MIA2: variants seen among roughly 807,000 people sequenced by gnomAD.
MIA2 encodes the protein melanoma inhibitory activity protein 2.
Under a neutral mutation model 167.8 loss-of-function variants are expected in MIA2, and 127 were observed. The ratio of observed to expected loss-of-function variants is 0.76; its 90% CI spans 0.66 to 0.88. The LOEUF is 0.88. Ranked by LOEUF, MIA2 falls within the 40% of genes least tolerant of loss-of-function variation. MIA2 has a pLI of 0.00. For missense variants in MIA2, 1,690 were observed against 1,624.7 expected, an observed-to-expected ratio of 1.04 and a Z score of -0.69; for synonymous variants, 552 against 541.9, an observed-to-expected ratio of 1.02 and a Z score of -0.26.
chr14:39,334,547 A>G (rs1229649160), intron 25 of MIA2, among the ~76,000 whole-genome samples: 1 of 143,134 alleles, frequency 7.0e-6, no homozygotes, highest in African/African-American at 2.6e-5. Flanking sequence ...AGTTAACGAA[A>G]TGATAATGAA....
At chr14:39,347,676 A>C in intron 26 of MIA2, 37 bp from the exon 27 acceptor site, 1 of 1,601,820 alleles carries the variant, frequency 6.2e-7, no homozygotes, top group Non-Finnish European at 8.5e-7. Flanking sequence ...TAAAGTGATA[A>C]ATCATGTACT....
chr14:39,365,449 A>G (rs1037868150), intron 23 of MIA2, among the ~76,000 whole-genome samples: 2 of 152,170 alleles, frequency 1.3e-5, no homozygotes, highest in Non-Finnish European at 2.9e-5. Context: ...GGTGCTCTGT[A>G]CATCACATAG....
At chr14:39,371,136 T>G (rs1470293476) in intron 23 of MIA2, among the ~76,000 whole-genome samples, 1 of 152,244 alleles carries the variant, frequency 6.6e-6, no homozygotes, top group Middle Eastern at 3.2e-3. Context: ...GAATATAGTT[T>G]ACTTGACTAT....
chr14:39,352,258 G>A (rs2074408758), downstream of MIA2, among the ~76,000 whole-genome samples: 1 of 149,504 alleles, frequency 6.7e-6, no homozygotes, highest in South Asian at 2.1e-4. Flanking sequence ...AACCATACTG[G>A]TTGCTCTCTT....
chr14:39,347,818 C>CT (rs59832680), intron 27 of MIA2, 47 bp downstream of exon 27: 84,579 of 692,854 alleles, frequency 0.12, 4,973 homozygotes, highest in African/African-American at 0.35. Context: ...CAGAAGCCTT[C>CT]TTTTTTTTTT....
At chr14:39,343,590 T>C (rs2072523144) in intron 25 of MIA2, among the ~76,000 whole-genome samples, 1 of 152,208 alleles carries the variant, frequency 6.6e-6, no homozygotes, top group Admixed American at 6.5e-5. Flanking sequence ...CCACTCCTTA[T>C]TCATTTTTTT....
chr14:39,363,000 T>C (rs930329106), intron 23 of MIA2, among the ~76,000 whole-genome samples: 1 of 152,246 alleles, frequency 6.6e-6, no homozygotes, highest in African/African-American at 2.4e-5. Flanking sequence ...CCAGAGTTCC[T>C]TTTTAATTTC....
chr14:39,364,793 A>G (rs866421095), intron 23 of MIA2, among the ~76,000 whole-genome samples: 2 of 151,864 alleles, frequency 1.3e-5, no homozygotes, highest in Non-Finnish European at 2.9e-5. Flanking sequence ...CTCCTGGGCT[A>G]TAAAGTTTCT....
At chr14:39,290,688 T>C (rs866024787) in intron 9 of MIA2, among the ~76,000 whole-genome samples, 1 of 152,230 alleles carries the variant, frequency 6.6e-6, no homozygotes. Flanking sequence ...CTTTGGATAA[T>C]CTTTAGTACA....
Position 39,320,962 on chromosome 14 carries a change from G to T in MIA2, c.3402G>T (p.Trp1134Cys). The change falls in exon 24 of 29, where the codon TGG becomes TGT. Residue 1134 changes from tryptophan (W) to cysteine (C), a missense_variant. Physicochemically the swap from Trp to Cys is radical, Grantham distance 215. Coordinates refer to ENST00000640607, the MANE Select transcript of MIA2 (RefSeq NM_001329214.4). ...HSPYGPSPLG[W>C]PSSETRAFLS... ...CATATGGTCCCTCACCATTGGGTTG[G>T]CCTTCATCTGAAACAAGAGCTTTTC... 1 of 1,613,674 alleles carries T rather than the reference G, an allele frequency of 6.2e-7. No homozygotes were observed. The highest frequency in any genetic ancestry group is 8.5e-7 in the Non-Finnish European group (1 of 1,179,736).
chr14:39,314,407 ACATCT>A (rs2064944310), intron 19 of MIA2, among the ~76,000 whole-genome samples: 1 of 151,780 alleles, frequency 6.6e-6, no homozygotes, highest in Non-Finnish European at 1.5e-5. Context: ...AAAATGACCA[ACATCT>A]GAATAAATCT....
rs1278210498 is a variant in MIA2, at chr14:39,294,971, A to G, written c.2438A>G (p.Lys813Arg). The change falls in exon 13 of 29, where the codon AAG (lysine) becomes AGG (arginine). Residue 813 changes from lysine to arginine, a missense_variant. Transcript: ENST00000640607. ...KIFQMNEERLKIAIKDALNEN... is the reference protein window; with the variant it reads ...KIFQMNEERLRIAIKDALNEN... The stretch of plus-strand genomic sequence containing the variant: ...TTTCAAATGAATGAAGAACGACTGA[A>G]GATAGCAATAAAAGATGCTTTGAAT... 1 of 1,613,832 alleles carries G rather than the reference A, an allele frequency of 6.2e-7. No homozygotes were observed. The highest frequency in any genetic ancestry group is 8.5e-7 in the Non-Finnish European group (1 of 1,179,940).
Position 39,248,139 on chromosome 14 carries a change from C to A in MIA2, c.1565C>A (p.Ser522Ter). 4 of 1,401,986 alleles carry A rather than the reference C, an allele frequency of 2.9e-6. No individual in the cohort carries two copies. The highest frequency in any genetic ancestry group is 1.6e-5 in the South Asian group (1 of 61,274). The allele number at this position is 1,401,986 out of a possible 1,614,324, so 86.8% of individuals were successfully genotyped here. Residue 522 changes from serine (S) to a stop codon, truncating the protein, a stop_gained and splice_region_variant, in exon 4 of 29, where the codon TCA becomes TAA. Transcript: ENST00000640607. LOFTEE classifies it high-confidence loss of function. ...ATATTCAAAAGTTCATACAGTCTGT[C>A]AGGTTGGTATGAAAATATTTACATT... ...VMIFKSSYSL[S>*]DMVSNIELPT...
chr14:39,286,144 G>C (rs941036692), intron 9 of MIA2, among the ~76,000 whole-genome samples: 17 of 152,236 alleles, frequency 1.1e-4, no homozygotes, highest in Non-Finnish European at 2.1e-4. Context: ...CTGCACTCCA[G>C]CCTGGGCAAC....
intron 25 of MIA2, among the ~76,000 whole-genome samples, chr14:39,343,377 C>G (rs1291775072): frequency 6.6e-6 from 1 of 152,136 alleles, no homozygotes; most frequent in Admixed American, 6.5e-5. Flanking sequence ...GAACTCTTGG[C>G]CTCAAGCAGT....
At chr14:39,306,218 G>A (rs773385831) in intron 17 of MIA2, among the ~76,000 whole-genome samples, 1 of 151,952 alleles carries the variant, frequency 6.6e-6, no homozygotes, top group Non-Finnish European at 1.5e-5. Flanking sequence ...CTTTTGGTTT[G>A]TATGTTTAAT....
chr14:39,307,923 G>A (rs1321716086), intron 17 of MIA2, among the ~76,000 whole-genome samples: 1 of 152,060 alleles, frequency 6.6e-6, no homozygotes, highest in African/African-American at 2.4e-5. Flanking sequence ...AATAGTAATA[G>A]TAATATGAGG....
intron 23 of MIA2, among the ~76,000 whole-genome samples, chr14:39,373,623 C>CCAGGT (rs2074992904): frequency 6.6e-6 from 1 of 152,018 alleles, no homozygotes; most frequent in African/African-American, 2.4e-5. Flanking sequence ...GAGTTTGAGA[C>CCAGGT]CAGCCTCGCC....
rs61742363 is a variant in MIA2, at chr14:39,348,872, A to G, written c.3967A>G (p.Arg1323Gly). Reference protein sequence around the residue: ...PVDARGPFLRRGPPFPPPPPG... With the variant: ...PVDARGPFLRGGPPFPPPPPG... ...GGATGCAAGAGGCCCATTCTTGAGA[A>G]GAGGACCTCCTTTCCCCCCACCTCC... Residue 1323 changes from arginine to glycine, a missense_variant, in exon 28 of 29, where the codon AGA (arginine) becomes GGA (glycine). Coordinates refer to ENST00000640607, the MANE Select transcript of MIA2 (RefSeq NM_001329214.4). 0.017 allele frequency: 27,532 copies of G among 1,614,114 alleles called. 306 individuals carry two copies. The highest frequency in any genetic ancestry group is 0.02 in the Non-Finnish European group (23,958 of 1,180,018).
Sources: allele counts gnomAD v4.1 joint callset (sites outside exome capture counted in the v4.1 genomes callset), GRCh38; gene constraint gnomAD v4.1.1; transcripts MANE v1.5; gene names NCBI Gene and HGNC (gene_info 2026-07-23, HGNC 2026-07-21).